Variants in DCHS2 observed in about 807,000 individuals in gnomAD.
The protein encoded by DCHS2 is dachsous cadherin-related 2, also known as protocadherin-23.
In DCHS2, 142 loss-of-function variants were observed where a neutral mutation model predicts 182.4. The observed-to-expected ratio is 0.78, with a 90% CI of 0.68 to 0.89. DCHS2 has a LOEUF of 0.89. Among genes scored for constraint, DCHS2 ranks in the 40% least tolerant of loss-of-function variants. DCHS2 has a pLI of 0.00. For synonymous variants in DCHS2, 1,740 were observed against 1,663.3 expected (o/e 1.05, Z -1.12); for missense variants, 4,319 against 4,198.6 (o/e 1.03, Z -0.79).
intron 1 of DCHS2, among the ~76,000 whole-genome samples, chr4:154,449,481 C>A (rs867193308): frequency 6.6e-6 from 1 of 152,016 alleles, no homozygotes; most frequent in East Asian, 1.9e-4. Flanking sequence ...AGGGACCCTC[C>A]CACCTCAGCC....
intron 1 of DCHS2, among the ~76,000 whole-genome samples, chr4:154,478,452 A>G (rs762401565): frequency 6.6e-6 from 1 of 152,202 alleles, no homozygotes; most frequent in Non-Finnish European, 1.5e-5. Flanking sequence ...AAATGGAAGA[A>G]TGGACCTATA....
chr4:154,479,298 A>T (rs996017334), intron 1 of DCHS2, among the ~76,000 whole-genome samples: 14 of 152,132 alleles, frequency 9.2e-5, no homozygotes, highest in African/African-American at 3.4e-4. Context: ...GAAAAGAAAA[A>T]TGAACAGAGT....
At chr4:154,472,300 C>T (rs1467341798) in intron 1 of DCHS2, among the ~76,000 whole-genome samples, 1 of 152,190 alleles carries the variant, frequency 6.6e-6, no homozygotes, top group Non-Finnish European at 1.5e-5. Flanking sequence ...TGAAAGTAAT[C>T]TTGGTTCCAA....
rs1488145801 is a variant in DCHS2 at position 154,491,045 on chromosome 4, G to C, written c.311C>G (p.Ser104Trp). The change falls in exon 1 of 20, where the codon TCG becomes TGG. Residue 104 changes from serine to tryptophan, a missense_variant. Ser to Trp is a radical substitution (Grantham distance 177). Transcript: ENST00000357232. The part of the protein sequence containing the change: ...QQQEGSGFFL[S>W]EDSDDSPLLD... ...CAGCGGGGAGTCATCGGAGTCCTCC[G>C]ACAGAAAGAAGCCGCTCCCCTCCTG... The C allele has an allele frequency of 6.4e-7, 1 of 1,551,096 alleles. No homozygotes were observed. Among genetic ancestry groups the C allele is most frequent in the African/African-American group, 1.4e-5 (1 of 73,168 alleles).
At position 154,322,494 on chromosome 4, in the gene DCHS2, C is replaced by T. The variant is rs745777541; in HGVS notation, c.4019-6G>A. 2 of 1,587,438 alleles carry T rather than the reference C, an allele frequency of 1.3e-6. No homozygotes were observed. Among genetic ancestry groups the T allele is most frequent in the Non-Finnish European group, 1.7e-6 (2 of 1,168,818 alleles). The stretch of plus-strand genomic sequence containing the variant: ...AAAGTGATCAGAACTATCTTCTACA[C>T]ACACAAGAAAATTAAGAAATGAATG... On this transcript the variant is annotated splice_region_variant and splice_polypyrimidine_tract_variant and intron_variant, in intron 7 of 19. Transcript: ENST00000357232.
chr4:154,388,774 G>A (rs147908508), intron 1 of DCHS2, among the ~76,000 whole-genome samples: 241 of 152,156 alleles, frequency 1.6e-3, no homozygotes, highest in African/African-American at 5.5e-3. Flanking sequence ...GATTACAGGC[G>A]TAAGCCACTG....
chr4:154,314,914 G>GTGCTGTGAATAAGAAAC (rs1259927128), intron 10 of DCHS2, among the ~76,000 whole-genome samples: 1 of 152,096 alleles, frequency 6.6e-6, no homozygotes, highest in East Asian at 1.9e-4. Flanking sequence ...AATTCAGCAT[G>GTGCTGTGAATAAGAAAC]TGCTGTGAAT....
At position 154,333,345 on chromosome 4, in the gene DCHS2, CGAGCTGCGCCTGCACCGT is replaced by C; in HGVS notation, c.2845_2862del (p.Thr949_Leu954del). The stretch of plus-strand genomic sequence containing the variant: ...GTGCTGCTGCAGGCTGGGGCGCTGC[CGAGCTGCGCCTGCACCGT>C]GAGCACAACCACGGGCTGCGTCTCG... On this transcript the variant is annotated inframe_deletion, in exon 5 of 20. Transcript: ENST00000357232. 1 of 1,614,144 alleles carries C rather than the reference CGAGCTGCGCCTGCACCGT, an allele frequency of 6.2e-7. No individual in the cohort carries two copies. The highest frequency in any genetic ancestry group is 8.5e-7 in the Non-Finnish European group (1 of 1,180,040).
intron 1 of DCHS2, among the ~76,000 whole-genome samples, chr4:154,476,982 G>A (rs1735711206): frequency 6.6e-6 from 1 of 152,028 alleles, no homozygotes; most frequent in Non-Finnish European, 1.5e-5. Context: ...GGGAAGGGGA[G>A]ACTCATGACA....
At chr4:154,385,424 T>C (rs560340182) in intron 1 of DCHS2, among the ~76,000 whole-genome samples, 1 of 152,182 alleles carries the variant, frequency 6.6e-6, no homozygotes, top group Non-Finnish European at 1.5e-5. Context: ...TTTATAATCC[T>C]TTGGGTATAT....
At position 154,328,387 on chromosome 4, in the gene DCHS2, C is replaced by A. The variant is rs1269537436; in HGVS notation, c.3919-195G>T. 3.3e-5 allele frequency among the ~76,000 whole-genome samples: 5 copies of A among 152,034 alleles called. No homozygotes were observed. The East Asian group carries it at 9.6e-4, about 29-fold the overall frequency. On this transcript the variant is annotated intron_variant, in intron 6 of 19. Transcript: ENST00000357232. ...AAAGAATCCTCCTTACATATTAAAT[C>A]TTTTATTCAATTAGAATGAATTATC...
intron 1 of DCHS2, among the ~76,000 whole-genome samples, chr4:154,433,394 C>CTTTT (rs1553951910): frequency 3.3e-4 from 16 of 48,880 alleles, no homozygotes; most frequent in Admixed American, 7.8e-4. Flanking sequence ...TTTTTTTTTT[C>CTTTT]CTTTTTTTTT....
In DCHS2 at chr4:154,237,054, G is replaced by C; in HGVS notation, c.7598C>G (p.Thr2533Ser). The C allele has an allele frequency of 6.2e-7, 1 of 1,613,922 alleles. No homozygotes were observed. Among genetic ancestry groups the C allele is most frequent in the African/African-American group, 1.3e-5 (1 of 75,012 alleles). The stretch of plus-strand genomic sequence containing the variant: ...ATCTTCTATTCCTATCTCCACTAAA[G>C]TAAGAGCTCTCAGGTCAGGATTTCC... Reference protein sequence around the residue: ...DGGNPDLRALTLVEIGIEDMN... With the variant: ...DGGNPDLRALSLVEIGIEDMN... The change falls in exon 20 of 20, where the codon ACT becomes AGT. Residue 2533 changes from threonine to serine, a missense_variant. Transcript: ENST00000357232.
intron 3 of DCHS2, among the ~76,000 whole-genome samples, chr4:154,336,149 A>G (rs767150274): frequency 6.6e-6 from 1 of 152,236 alleles, no homozygotes; most frequent in African/African-American, 2.4e-5. Flanking sequence ...GCTGTGTACA[A>G]TAAAACTTCA....
At chr4:154,413,031 A>G (rs1732694427) in intron 1 of DCHS2, among the ~76,000 whole-genome samples, 1 of 152,312 alleles carries the variant, frequency 6.6e-6, no homozygotes, top group South Asian at 2.1e-4. Flanking sequence ...ATTGACAGAC[A>G]TAATCTTTAC....
intron 13 of DCHS2, among the ~76,000 whole-genome samples, chr4:154,282,372 G>T (rs963390020): frequency 2.0e-5 from 3 of 151,598 alleles, no homozygotes; most frequent in African/African-American, 7.3e-5. Flanking sequence ...ATGAACAAAG[G>T]ACTTGAACAA....
intron 1 of DCHS2, among the ~76,000 whole-genome samples, chr4:154,430,648 A>G (rs1393588614): frequency 6.6e-6 from 1 of 152,222 alleles, no homozygotes; most frequent in Non-Finnish European, 1.5e-5. Context: ...AATTCTAAGC[A>G]TGAGTTGTGT....
chr4:154,234,700 C>A lies in DCHS2; in HGVS notation c.9952G>T (p.Gly3318Cys). ...HPRSPIPYHL[G>C]SLPEGMTPNF... ...GGAGTCATGCCTTCTGGCAGAGAAC[C>A]AAGATGGTAGGGGATGGGAGAGCGT... Residue 3318 changes from glycine (G) to cysteine (C), a missense_variant, in exon 20 of 20, where the codon GGT (glycine) becomes TGT (cysteine). By Grantham distance (159) the Gly-to-Cys change is radical (BLOSUM62 -3). Transcript: ENST00000357232. 6.2e-7 allele frequency: 1 copy of A among 1,613,756 alleles called. No homozygotes were observed. The highest frequency in any genetic ancestry group is 8.5e-7 in the Non-Finnish European group (1 of 1,179,910).
intron 16 of DCHS2, among the ~76,000 whole-genome samples, chr4:154,243,388 G>T (rs75896656): frequency 6.6e-6 from 1 of 152,114 alleles, no homozygotes; most frequent in Non-Finnish European, 1.5e-5. Context: ...AATCTCTCTT[G>T]GATGATGCTA....
Sources: gnomAD v4.1 joint callset for allele counts (sites outside exome capture counted in the v4.1 genomes callset) on GRCh38, gnomAD v4.1.1 for gene constraint, MANE v1.5 for transcripts, NCBI Gene and HGNC (gene_info 2026-07-23, HGNC 2026-07-21) for gene names.